MAPK10: variants seen among roughly 807,000 people sequenced by gnomAD.
MAPK10 encodes the protein mitogen-activated protein kinase 10.
Under a neutral mutation model 59.3 loss-of-function variants are expected in MAPK10, and 25 were observed. The ratio of observed to expected loss-of-function variants is 0.42; its 90% CI spans 0.31 to 0.59. The LOEUF is 0.59. MAPK10 is among the 20% of genes least tolerant of loss of function. The pLI is 0.15. For synonymous variants in MAPK10, 190 were observed against 200.5 expected (o/e 0.95, Z 0.44); for missense variants, 351 against 568.9 (o/e 0.62, Z 3.90).
intron 11 of MAPK10, among the ~76,000 whole-genome samples, chr4:86,040,041 G>T (rs1033682563): frequency 4.6e-5 from 7 of 152,136 alleles, no homozygotes. Flanking sequence ...AAGCCAGTCT[G>T]CAAAGACTGG....
At chr4:86,095,004 TA>T (rs2053963201) in intron 9 of MAPK10, 2 of 152,016 alleles carry the variant, frequency 1.3e-5, no homozygotes, top group African/African-American at 4.8e-5. Context: ...CATAAAACTA[TA>T]GTGAAAATTA....
intron 1 of MAPK10, among the ~76,000 whole-genome samples, chr4:86,376,007 T>C (rs1739751169): frequency 6.6e-6 from 1 of 152,210 alleles, no homozygotes; most frequent in Admixed American, 6.5e-5. Flanking sequence ...TGTTTACCTA[T>C]TCTGGGTATT....
intron 1 of MAPK10, among the ~76,000 whole-genome samples, chr4:86,442,289 A>C (rs1189619337): frequency 6.6e-6 from 1 of 152,130 alleles, no homozygotes; most frequent in African/African-American, 2.4e-5. Context: ...TTTCATAGTA[A>C]TTTTATTTAC....
chr4:86,575,248 G>A (rs546358423), intron 1 of MAPK10, among the ~76,000 whole-genome samples: 1 of 152,152 alleles, frequency 6.6e-6, no homozygotes, highest in East Asian at 1.9e-4. Context: ...TTCCTTCATG[G>A]GTCTCCAACT....
At chr4:86,492,797 G>T (rs1378831858) in intron 1 of MAPK10, among the ~76,000 whole-genome samples, 1 of 152,072 alleles carries the variant, frequency 6.6e-6, no homozygotes, top group Non-Finnish European at 1.5e-5. Context: ...TTTTGCTTTT[G>T]GGTTTGGGAA....
At chr4:86,266,165 A>G in intron 2 of MAPK10, among the ~76,000 whole-genome samples, 1 of 152,144 alleles carries the variant, frequency 6.6e-6, no homozygotes, top group Non-Finnish European at 1.5e-5. Flanking sequence ...AGAGGAAGAG[A>G]GGAGGAATAT....
intron 3 of MAPK10, chr4:86,193,882 G>C (rs1201800297): frequency 6.1e-6 from 1 of 164,464 alleles, no homozygotes; most frequent in African/African-American, 2.4e-5. Flanking sequence ...GACCCTTGCG[G>C]TGTAGACACC....
chr4:86,438,265 AAG>A (rs1748999896), intron 1 of MAPK10, among the ~76,000 whole-genome samples: 1 of 152,224 alleles, frequency 6.6e-6, no homozygotes, highest in Non-Finnish European at 1.5e-5. Context: ...ATGCTTATAA[AAG>A]AGATCATTGG....
At chr4:86,501,152 TTC>T (rs1755295045) in intron 1 of MAPK10, among the ~76,000 whole-genome samples, 2 of 150,644 alleles carry the variant, frequency 1.3e-5, no homozygotes, top group African/African-American at 4.9e-5. Flanking sequence ...TTTTAATTGA[TTC>T]TTTTTCATTT....
chr4:86,290,228 C>A (rs1007425691), intron 2 of MAPK10, among the ~76,000 whole-genome samples: 9 of 152,100 alleles, frequency 5.9e-5, no homozygotes, highest in Non-Finnish European at 1.2e-4. Flanking sequence ...GAGCTATCAG[C>A]AAAAGAAGAG....
intron 11 of MAPK10, among the ~76,000 whole-genome samples, chr4:86,057,993 G>A (rs1373542937): frequency 6.7e-6 from 1 of 149,554 alleles, no homozygotes; most frequent in Admixed American, 6.6e-5. Context: ...ACCAACAATC[G>A]AAAGAGTGAC....
At chr4:86,335,565 T>C (rs1720719624) in intron 2 of MAPK10, among the ~76,000 whole-genome samples, 1 of 152,024 alleles carries the variant, frequency 6.6e-6, no homozygotes, top group African/African-American at 2.4e-5. Context: ...CCTTTCTTTC[T>C]CCCTCTTTCT....
intron 1 of MAPK10, chr4:86,356,514 T>TTC (rs1185399156): frequency 1.1e-6 from 1 of 907,448 alleles, no homozygotes; most frequent in Non-Finnish European, 1.3e-6. Context: ...GAAATACAGC[T>TTC]TCTCCCTATT....
rs528327191 is a variant in MAPK10, at chr4:86,264,706, A to T, written c.-6-70299T>A. ...CCTGATTCTGATAAAGGACTATGCC[A>T]GGGAGGAAACTGAATGGTTGAGAAA... On this transcript the variant is annotated intron_variant, in intron 2 of 13. Transcript: ENST00000641462. 6.1e-4 allele frequency among the ~76,000 whole-genome samples: 93 copies of T among 152,298 alleles called. 1 individual carries two copies. The highest frequency in any genetic ancestry group is 2.2e-3 in the Admixed American group (34 of 15,300).
At chr4:86,520,036 C>T (rs1757000649) in intron 1 of MAPK10, among the ~76,000 whole-genome samples, 1 of 152,146 alleles carries the variant, frequency 6.6e-6, no homozygotes, top group Admixed American at 6.5e-5. Flanking sequence ...TTTTGCCTCA[C>T]AGCTCTTAAG....
intron 1 of MAPK10, among the ~76,000 whole-genome samples, chr4:86,539,229 A>G (rs1758485846): frequency 6.6e-6 from 1 of 152,244 alleles, no homozygotes; most frequent in African/African-American, 2.4e-5. Context: ...AGAGGAAGGA[A>G]GAGAGGGCAT....
intron 1 of MAPK10, among the ~76,000 whole-genome samples, chr4:86,586,513 C>T (rs1158465675): frequency 6.6e-6 from 1 of 152,166 alleles, no homozygotes; most frequent in Admixed American, 6.6e-5. Context: ...AAAATGACAA[C>T]TAACTAATCT....
intron 2 of MAPK10, among the ~76,000 whole-genome samples, chr4:86,243,828 A>G (rs1240914848): frequency 5.6e-5 from 8 of 143,016 alleles, no homozygotes; most frequent in Non-Finnish European, 1.0e-4. Context: ...ACTTAACTTT[A>G]TTTGTTTGTT....
At chr4:86,148,737 T>C (rs927009323) in intron 4 of MAPK10, among the ~76,000 whole-genome samples, 1 of 152,136 alleles carries the variant, frequency 6.6e-6, no homozygotes, top group Non-Finnish European at 1.5e-5. Context: ...TAGATGATCA[T>C]AAAATTATAT....
Sources: allele counts gnomAD v4.1 joint callset (sites outside exome capture counted in the v4.1 genomes callset), GRCh38; gene constraint gnomAD v4.1.1; transcripts MANE v1.5; gene names NCBI Gene and HGNC (gene_info 2026-07-23, HGNC 2026-07-21).